Variants in GRM7 observed in about 807,000 individuals in gnomAD.
GRM7 encodes the protein glutamate metabotropic receptor 7, also known as metabotropic glutamate receptor 7.
In GRM7, 35 loss-of-function variants were observed where a neutral mutation model predicts 84.5. The ratio of observed to expected loss-of-function variants is 0.41; its 90% confidence interval spans 0.32 to 0.55. The LOEUF is 0.55. Ranked by LOEUF, GRM7 falls within the 20% of genes least tolerant of loss-of-function variation. The pLI, the probability that GRM7 is intolerant of heterozygous loss-of-function variation, is 0.19. For synonymous variants in GRM7, 487 were observed against 455.1 expected (o/e 1.07, Z -0.89); for missense variants, 1,003 against 1,194.6 (o/e 0.84, Z 2.36).
At chr3:7,335,140 C>A (rs1701354106) in intron 4 of GRM7, among the ~76,000 whole-genome samples, 1 of 152,088 alleles carries the variant, frequency 6.6e-6, no homozygotes, top group Non-Finnish European at 1.5e-5. Flanking sequence ...GAAACATTCT[C>A]CAAGATAGAC....
chr3:6,975,669 C>T (rs1393498841), intron 1 of GRM7, among the ~76,000 whole-genome samples: 1 of 152,014 alleles, frequency 6.6e-6, no homozygotes, highest in African/African-American at 2.4e-5. Flanking sequence ...GTTTTCTATT[C>T]TAGGCTAATA....
intron 1 of GRM7, among the ~76,000 whole-genome samples, chr3:7,130,410 G>A (rs1249422527): frequency 6.6e-6 from 1 of 152,116 alleles, no homozygotes; most frequent in Admixed American, 6.5e-5. Flanking sequence ...AGGTGTGGTG[G>A]CAGGCACCTG....
rs1028592903 is a variant in GRM7 at position 7,376,111 on chromosome 3, C to T, written c.1034-38912C>T. On this transcript the variant is annotated intron_variant, in intron 4 of 9. Transcript: ENST00000357716. ...AAAGTACTCCCGAGATATAAAGTGG[C>T]GATGTTTTAATTAAATTTTTCTGCT... 3.9e-5 allele frequency among the ~76,000 whole-genome samples: 6 copies of T among 152,208 alleles called. No individual in the cohort carries two copies. In the South Asian group the frequency reaches 8.3e-4, roughly 21 times the overall value.
At chr3:7,172,393 C>T (rs1038746273) in intron 2 of GRM7, among the ~76,000 whole-genome samples, 1 of 152,138 alleles carries the variant, frequency 6.6e-6, no homozygotes, top group East Asian at 1.9e-4. Context: ...GACACTGTGG[C>T]CTTAACTCTG....
intron 7 of GRM7, 71 bp downstream of exon 7, chr3:7,461,793 C>T: frequency 7.0e-7 from 1 of 1,429,856 alleles, no homozygotes; most frequent in South Asian, 1.2e-5. Flanking sequence ...CTCAGTTATA[C>T]AAATGTTTCT....
At chr3:7,497,867 CTG>C (rs1699758616) in intron 7 of GRM7, among the ~76,000 whole-genome samples, 1 of 152,210 alleles carries the variant, frequency 6.6e-6, no homozygotes, top group African/African-American at 2.4e-5. Flanking sequence ...CACAGGGTGA[CTG>C]TAAAGATTAA....
chr3:7,457,230 A>G (rs1331135080), intron 6 of GRM7, among the ~76,000 whole-genome samples: 1 of 152,184 alleles, frequency 6.6e-6, no homozygotes, highest in Admixed American at 6.5e-5. Flanking sequence ...TGGTCTTCAC[A>G]TTTGCCAAAG....
chr3:7,262,787 T>A (rs988667310), intron 2 of GRM7, among the ~76,000 whole-genome samples: 14 of 152,220 alleles, frequency 9.2e-5, no homozygotes, highest in African/African-American at 3.4e-4. Flanking sequence ...AACCTCCACC[T>A]CCTGGGTTCA....
chr3:7,629,220 AATAG>A (rs1181084523), intron 8 of GRM7, among the ~76,000 whole-genome samples: 2 of 152,218 alleles, frequency 1.3e-5, no homozygotes, highest in Non-Finnish European at 2.9e-5. Flanking sequence ...ATTTTACTGT[AATAG>A]ATAGTACTAT....
intron 2 of GRM7, among the ~76,000 whole-genome samples, chr3:7,156,431 A>G: frequency 6.6e-6 from 1 of 152,278 alleles, no homozygotes; most frequent in African/African-American, 2.4e-5. Context: ...AGATGACTGC[A>G]CTTAGATAGA....
intron 2 of GRM7, among the ~76,000 whole-genome samples, chr3:7,272,459 T>A (rs536829963): frequency 3.3e-4 from 51 of 152,300 alleles, no homozygotes; most frequent in African/African-American, 1.2e-3. Flanking sequence ...AAATTACACA[T>A]CATTGGTAAA....
At chr3:7,343,456 C>A (rs1692739166) in intron 4 of GRM7, among the ~76,000 whole-genome samples, 1 of 152,086 alleles carries the variant, frequency 6.6e-6, no homozygotes, top group African/African-American at 2.4e-5. Context: ...TCAAGCAATC[C>A]TCACACCTTG....
chr3:7,083,818 TG>T (rs1360869590), intron 1 of GRM7, among the ~76,000 whole-genome samples: 1 of 152,138 alleles, frequency 6.6e-6, no homozygotes, highest in African/African-American at 2.4e-5. Flanking sequence ...AAGGCCTTTC[TG>T]ATGAGGTGTC....
intron 2 of GRM7, among the ~76,000 whole-genome samples, chr3:7,271,263 G>A (rs543557922): frequency 6.6e-6 from 1 of 152,166 alleles, no homozygotes; most frequent in Non-Finnish European, 1.5e-5. Context: ...GAACTCGTTA[G>A]AAATGCAGAA....
intron 7 of GRM7, among the ~76,000 whole-genome samples, chr3:7,570,085 A>G (rs1244006836): frequency 6.6e-6 from 1 of 152,136 alleles, no homozygotes. Context: ...AACCGCCCCC[A>G]TAATTCAATC....
chr3:7,118,884 A>G (rs927070276), intron 1 of GRM7, among the ~76,000 whole-genome samples: 1 of 152,132 alleles, frequency 6.6e-6, no homozygotes, highest in African/African-American at 2.4e-5. Flanking sequence ...CCACATTTAC[A>G]CTGTGTCCTA....
At chr3:7,229,759 A>ATATATATATATATATATATATT (rs1434216248) in intron 2 of GRM7, among the ~76,000 whole-genome samples, 1 of 30,424 alleles carries the variant, frequency 3.3e-5, no homozygotes, top group African/African-American at 1.3e-4. Context: ...ATATATATAT[A>ATATATATATATATATATATATT]TTTTTTTTTT....
intron 4 of GRM7, among the ~76,000 whole-genome samples, chr3:7,388,757 T>C (rs1694881161): frequency 6.6e-6 from 1 of 152,120 alleles, no homozygotes; most frequent in Admixed American, 6.5e-5. Flanking sequence ...AGACCTTTTA[T>C]ATTTCTTTGT....
intron 7 of GRM7, among the ~76,000 whole-genome samples, chr3:7,473,207 C>A (rs892669393): frequency 5.3e-5 from 8 of 152,114 alleles, no homozygotes; most frequent in African/African-American, 1.9e-4. Context: ...GTGGCTCACA[C>A]CTGTAATCCT....
Sources: gnomAD v4.1 joint callset for allele counts (sites outside exome capture counted in the v4.1 genomes callset) on GRCh38, gnomAD v4.1.1 for gene constraint, MANE v1.5 for transcripts, NCBI Gene and HGNC (gene_info 2026-07-23, HGNC 2026-07-21) for gene names.